The following INSR variants were observed in gnomAD, a reference collection of about 807,000 sequenced individuals.
The protein encoded by INSR is insulin receptor.
A neutral mutation model predicts 142.6 loss-of-function variants in INSR; 67 were observed. That is an observed-to-expected ratio of 0.47 (90% CI 0.39 to 0.58). INSR has a LOEUF of 0.58. Ranked by LOEUF, INSR falls within the 20% of genes least tolerant of loss-of-function variation. The probability of loss-of-function intolerance (pLI) is 0.00; values close to 1 mark genes in which losing one functional copy is unlikely to be tolerated. For missense variants in INSR, 1,248 were observed against 1,833.2 expected, an observed-to-expected ratio of 0.68 and a Z score of 5.83; for synonymous variants, 756 against 743.1, an observed-to-expected ratio of 1.02 and a Z score of -0.28.
chr19:7,119,000 T>C (rs1423935488), intron 21 of INSR, among the ~76,000 whole-genome samples: 1 of 150,800 alleles, frequency 6.6e-6, no homozygotes, highest in African/African-American at 2.4e-5. Context: ...TCTCCCAAGA[T>C]AACTACCGCT....
chr19:7,220,958 A>G (rs932218479), intron 2 of INSR, among the ~76,000 whole-genome samples: 11 of 152,220 alleles, frequency 7.2e-5, no homozygotes, highest in Non-Finnish European at 1.5e-4. Flanking sequence ...ATGGTTTATC[A>G]TAGGAGTGGG....
intron 3 of INSR, among the ~76,000 whole-genome samples, chr19:7,179,108 C>CA (rs1413572800): frequency 3.3e-5 from 5 of 152,132 alleles, no homozygotes; most frequent in Middle Eastern, 3.2e-3. Context: ...GATGGGATCT[C>CA]ACTATGTTGT....
Position 7,204,081 on chromosome 19 carries a change from G to C in INSR, c.653-19444C>G, listed in dbSNP as rs560004827. On this transcript the variant is annotated intron_variant, in intron 2 of 21. Coordinates refer to ENST00000302850, the MANE Select transcript of INSR (RefSeq NM_000208.4). ...GGGTTCAAGCAATTCTCCTGCCTCA[G>C]CCTCCTGAGTAGCTGGGATTACAGG... is the stretch of plus-strand genomic sequence containing the variant. 3.3e-3 allele frequency among the ~76,000 whole-genome samples: 501 copies of C among 151,782 alleles called. 2 individuals are homozygous for C. The highest frequency in any genetic ancestry group is 5.4e-3 in the Non-Finnish European group (369 of 67,914).
intron 1 of INSR, among the ~76,000 whole-genome samples, chr19:7,288,607 C>T (rs1416394738): frequency 1.3e-5 from 2 of 149,874 alleles, no homozygotes; most frequent in Non-Finnish European, 3.0e-5. Context: ...CCTCTGCACT[C>T]CAGCCTGGGT....
intron 10 of INSR, among the ~76,000 whole-genome samples, chr19:7,151,225 C>T (rs1432696102): frequency 1.4e-5 from 2 of 139,538 alleles, no homozygotes; most frequent in African/African-American, 2.7e-5. Flanking sequence ...TTTCTCTCTT[C>T]CTTCCTTCCT....
chr19:7,224,355 G>C (rs900032689), intron 2 of INSR, among the ~76,000 whole-genome samples: 1 of 151,896 alleles, frequency 6.6e-6, no homozygotes, highest in African/African-American at 2.4e-5. Flanking sequence ...ACCAAGCAGG[G>C]CTGTTTTCCA....
chr19:7,118,506 C>A (rs917060066), intron 21 of INSR, among the ~76,000 whole-genome samples: 1 of 151,740 alleles, frequency 6.6e-6, no homozygotes, highest in South Asian at 2.1e-4. Flanking sequence ...TTAATAGAGG[C>A]GGGGTTTCAC....
chr19:7,170,981 C>T (rs904033373), intron 5 of INSR, among the ~76,000 whole-genome samples: 1 of 152,096 alleles, frequency 6.6e-6, no homozygotes, highest in African/African-American at 2.4e-5. Flanking sequence ...GGTGGTGAGT[C>T]TGTGATGGAC....
intron 2 of INSR, among the ~76,000 whole-genome samples, chr19:7,193,247 C>T (rs946298913): frequency 6.6e-6 from 1 of 151,672 alleles, no homozygotes; most frequent in Admixed American, 6.6e-5. Context: ...GCCTGTAATC[C>T]CAGCAGGCTA....
intron 1 of INSR, among the ~76,000 whole-genome samples, chr19:7,271,817 C>G (rs115356341): frequency 1.3e-5 from 2 of 150,948 alleles, no homozygotes; most frequent in African/African-American, 4.9e-5. Flanking sequence ...CAAGACCAAC[C>G]TGGGCAACAT....
chr19:7,214,537 T>C (rs1975372503), intron 2 of INSR, among the ~76,000 whole-genome samples: 1 of 152,182 alleles, frequency 6.6e-6, no homozygotes, highest in South Asian at 2.1e-4. Flanking sequence ...AATGACATTC[T>C]CTGCTGGTGG....
intron 2 of INSR, among the ~76,000 whole-genome samples, chr19:7,248,481 A>G (rs1352831179): frequency 3.4e-5 from 3 of 87,962 alleles, no homozygotes; most frequent in Admixed American, 1.3e-4. Context: ...GGGAGACCCC[A>G]TCTCAAAAAA....
chr19:7,259,036 CCTTCCTTCCTTTCTTT>C (rs1267464045), intron 2 of INSR, among the ~76,000 whole-genome samples: 1 of 140,782 alleles, frequency 7.1e-6, no homozygotes, highest in African/African-American at 2.6e-5. Flanking sequence ...TTCCTTCCCT[CCTTCCTTCCTTTCTTT>C]CTTCCTTCCT....
intron 13 of INSR, among the ~76,000 whole-genome samples, chr19:7,136,848 T>TATATATATATA (rs71177159): frequency 2.8e-5 from 4 of 143,180 alleles, no homozygotes; most frequent in African/African-American, 5.2e-5. Flanking sequence ...TATATATATA[T>TATATATATATA]TGAGATGGTG....
At chr19:7,258,442 C>T (rs1976961664) in intron 2 of INSR, among the ~76,000 whole-genome samples, 1 of 127,458 alleles carries the variant, frequency 7.8e-6, no homozygotes, top group Non-Finnish European at 1.8e-5. Flanking sequence ...AAATTCTTAG[C>T]TCATAGGTCA....
At chr19:7,142,710 A>G in intron 12 of INSR, 106 bp downstream of exon 12, 1 of 1,386,104 alleles carries the variant, frequency 7.2e-7, no homozygotes. Flanking sequence ...AATGAAGGCC[A>G]ATAAGGTAAA....
At chr19:7,210,752 C>G (rs560448473) in intron 2 of INSR, among the ~76,000 whole-genome samples, 1 of 152,138 alleles carries the variant, frequency 6.6e-6, no homozygotes, top group South Asian at 2.1e-4. Flanking sequence ...CAGAGAGAGA[C>G]AGAGTCTTAC....
In INSR at chr19:7,199,400, A is replaced by ATTTG. The variant is rs201046361; in HGVS notation, c.653-14767_653-14764dup. On this transcript the variant is annotated intron_variant, in intron 2 of 21. Transcript: ENST00000302850. ...AGTGGGAGTTTGTTTGATTTTTTAAATTTGTTTGTTTGTTTGAAACAGGGT... is the reference window on the plus strand; with the variant it reads ...AGTGGGAGTTTGTTTGATTTTTTAAATTTGTTTGTTTGTTTGTTTGAAACAGGGT... 2.0e-3 allele frequency among the ~76,000 whole-genome samples: 299 copies of ATTTG among 151,264 alleles called. 7 individuals are homozygous for ATTTG. The East Asian group carries it at 0.04, about 20-fold the overall frequency.
chr19:7,256,931 C>CTTG (rs1568222889), intron 2 of INSR, among the ~76,000 whole-genome samples: 1 of 109,474 alleles, frequency 9.1e-6, no homozygotes, highest in Non-Finnish European at 1.8e-5. Context: ...TCTACCCTAC[C>CTTG]TTTTTTTTTT....
Sources: allele counts gnomAD v4.1 joint callset (sites outside exome capture counted in the v4.1 genomes callset), GRCh38; gene constraint gnomAD v4.1.1; transcripts MANE v1.5; gene names NCBI Gene and HGNC (gene_info 2026-07-23, HGNC 2026-07-21).